Variants in STK38L observed in about 807,000 individuals in gnomAD.
STK38L encodes serine/threonine-protein kinase 38-like.
STK38L carries 28 observed loss-of-function variants against 59.7 expected under a neutral mutation model. The observed-to-expected ratio is 0.47, with a 90% CI of 0.35 to 0.64. The LOEUF (loss-of-function observed/expected upper bound fraction) is 0.64. Among genes scored for constraint, STK38L ranks in the 30% least tolerant of loss-of-function variants. The pLI, the probability that STK38L is intolerant of heterozygous loss-of-function variation, is 0.01. For missense variants in STK38L, 314 were observed against 555.8 expected, an observed-to-expected ratio of 0.56 and a Z score of 4.37; for synonymous variants, 162 against 176.8, an observed-to-expected ratio of 0.92 and a Z score of 0.66.
intron 11 of STK38L, among the ~76,000 whole-genome samples, chr12:27,318,233 TCTGTTA>T (rs1442185583): frequency 2.0e-5 from 3 of 152,330 alleles, no homozygotes; most frequent in Non-Finnish European, 2.9e-5. Flanking sequence ...TTGTATTGCT[TCTGTTA>T]CTGATATATA....
chr12:27,262,054 A>G (rs910370047), intron 1 of STK38L, among the ~76,000 whole-genome samples: 1 of 152,198 alleles, frequency 6.6e-6, no homozygotes, highest in South Asian at 2.1e-4. Context: ...TTTGCAAGGT[A>G]TACTTCCTCA....
chr12:27,311,728 A>G (rs927567938), intron 5 of STK38L, among the ~76,000 whole-genome samples: 3 of 148,208 alleles, frequency 2.0e-5, no homozygotes, highest in Non-Finnish European at 3.0e-5. Flanking sequence ...GTTTTATATT[A>G]TAACAATAAT....
chr12:27,317,662 A>T (rs1944618935), intron 10 of STK38L: 2 of 711,604 alleles, frequency 2.8e-6, no homozygotes, highest in Non-Finnish European at 4.5e-6. Context: ...CCAAACTCCC[A>T]CGTATAAAAG....
intron 1 of STK38L, among the ~76,000 whole-genome samples, chr12:27,288,171 G>A (rs904455789): frequency 2.0e-5 from 3 of 152,024 alleles, no homozygotes; most frequent in Admixed American, 1.3e-4. Context: ...GAGCCACTGC[G>A]CCCAGCCAAG....
At chr12:27,255,063 A>G (rs892238987) in intron 1 of STK38L, among the ~76,000 whole-genome samples, 3 of 152,272 alleles carry the variant, frequency 2.0e-5, no homozygotes, top group Admixed American at 6.5e-5. Context: ...GACAGAAATC[A>G]ACATACTTTA....
chr12:27,263,849 A>G (rs1213133545), intron 1 of STK38L, among the ~76,000 whole-genome samples: 2 of 152,254 alleles, frequency 1.3e-5, no homozygotes, highest in African/African-American at 4.8e-5. Context: ...AGAGTGCCTA[A>G]TTGTGAGATT....
At chr12:27,291,978 T>A (rs186116285) in intron 1 of STK38L, among the ~76,000 whole-genome samples, 3 of 152,322 alleles carry the variant, frequency 2.0e-5, no homozygotes, top group Non-Finnish European at 4.4e-5. Context: ...AGATTTGTTA[T>A]CTCCTTTCCC....
At chr12:27,279,895 T>C (rs910564836) in intron 1 of STK38L, among the ~76,000 whole-genome samples, 17 of 152,114 alleles carry the variant, frequency 1.1e-4, no homozygotes, top group African/African-American at 4.1e-4. Flanking sequence ...AAAGACCATA[T>C]AGCTGAGGGT....
chr12:27,257,576 T>TA (rs1313210344), intron 1 of STK38L, among the ~76,000 whole-genome samples: 1 of 152,218 alleles, frequency 6.6e-6, no homozygotes, highest in Non-Finnish European at 1.5e-5. Context: ...TGGAATTACT[T>TA]ACAGTGATGG....
At chr12:27,259,100 C>CT in intron 1 of STK38L, among the ~76,000 whole-genome samples, 1 of 152,308 alleles carries the variant, frequency 6.6e-6, no homozygotes, top group African/African-American at 2.4e-5. Flanking sequence ...TGAACCTACA[C>CT]TGATTCTCAG....
rs541180022 is a variant in STK38L at position 27,281,541 on chromosome 12, C to T, written c.-11-16169C>T. On this transcript the variant is annotated intron_variant, in intron 1 of 13. Transcript: ENST00000389032. ...CTCTCTGTGCCCTGGTTTCCAGTTT[C>T]TAAAATGGAGAAATAGTACCTACCT... Among the ~76,000 whole-genome samples, 122 of 152,210 alleles carry T rather than the reference C, an allele frequency of 8.0e-4. 1 individual carries two copies. The highest frequency in any genetic ancestry group is 1.5e-3 in the Non-Finnish European group (100 of 68,016).
intron 2 of STK38L, among the ~76,000 whole-genome samples, chr12:27,301,805 T>C (rs1944179962): frequency 1.3e-5 from 2 of 152,198 alleles, no homozygotes; most frequent in South Asian, 4.1e-4. Flanking sequence ...AATATAAGCA[T>C]TGGGAAATAT....
chr12:27,256,667 C>T (rs1214350047), intron 1 of STK38L, among the ~76,000 whole-genome samples: 1 of 152,182 alleles, frequency 6.6e-6, no homozygotes, highest in Non-Finnish European at 1.5e-5. Flanking sequence ...TTGCTATGTG[C>T]CAGGCATAGG....
At chr12:27,286,633 T>C (rs117127700) in intron 1 of STK38L, among the ~76,000 whole-genome samples, 1 of 152,340 alleles carries the variant, frequency 6.6e-6, no homozygotes, top group Non-Finnish European at 1.5e-5. Flanking sequence ...AATAATGCTT[T>C]GATTAAAAAA....
At chr12:27,306,311 G>T (rs1019060439) in intron 3 of STK38L, among the ~76,000 whole-genome samples, 2 of 151,912 alleles carry the variant, frequency 1.3e-5, no homozygotes, top group Admixed American at 6.6e-5. Context: ...TATAAAGGGA[G>T]AGATTCAAAA....
At chr12:27,314,433 G>T in intron 6 of STK38L, 71 bp from the exon 7 acceptor site, 1 of 1,225,658 alleles carries the variant, frequency 8.2e-7, no homozygotes, top group Non-Finnish European at 1.1e-6. Flanking sequence ...AAAAAAGCAG[G>T]AAAGCTTTTA....
At chr12:27,297,879 T>A in intron 2 of STK38L, 25 bp downstream of exon 2, 2 of 1,611,530 alleles carry the variant, frequency 1.2e-6, no homozygotes, top group Non-Finnish European at 1.7e-6. Flanking sequence ...AATCAAAACT[T>A]TTTTTAGTTA....
At chr12:27,311,176 C>T (rs902876290) in intron 5 of STK38L, among the ~76,000 whole-genome samples, 2 of 152,132 alleles carry the variant, frequency 1.3e-5, no homozygotes, top group Non-Finnish European at 2.9e-5. Flanking sequence ...GATGCAACAC[C>T]AAAGTTTAGG....
At chr12:27,254,788 G>T (rs2346055) in intron 1 of STK38L, among the ~76,000 whole-genome samples, 138,087 of 152,090 alleles carry the variant, frequency 0.91, 62,725 homozygotes, top group Middle Eastern at 0.98. Flanking sequence ...GGGGTGGTAG[G>T]GGAGGCACAG....
Sources: gnomAD v4.1 joint callset for allele counts (sites outside exome capture counted in the v4.1 genomes callset) on GRCh38, gnomAD v4.1.1 for gene constraint, MANE v1.5 for transcripts, NCBI Gene and HGNC (gene_info 2026-07-23, HGNC 2026-07-21) for gene names.